CSMD1: variants seen among roughly 807,000 people sequenced by gnomAD.
The protein encoded by CSMD1 is CUB and Sushi multiple domains 1.
A neutral mutation model predicts 417.5 loss-of-function variants in CSMD1; 213 were observed. The ratio of observed to expected loss-of-function variants is 0.51; its 90% CI spans 0.46 to 0.57. CSMD1 has a LOEUF of 0.57. CSMD1 is among the 20% of genes least tolerant of loss of function. The probability of loss-of-function intolerance (pLI) is 0.00; values close to 1 mark genes in which losing one functional copy is unlikely to be tolerated. For synonymous variants in CSMD1, 2,862 were observed against 1,736.8 expected, an observed-to-expected ratio of 1.65 and a Z score of -16.11; for missense variants, 6,923 against 4,529.7, an observed-to-expected ratio of 1.53 and a Z score of -15.17.
chr8:4,002,404 T>C (rs1016810559), intron 4 of CSMD1, among the ~76,000 whole-genome samples: 1 of 152,208 alleles, frequency 6.6e-6, no homozygotes, highest in African/African-American at 2.4e-5. Context: ...GAAGAAGAGC[T>C]ACCTAACTAA....
intron 3 of CSMD1, among the ~76,000 whole-genome samples, chr8:4,345,833 G>T: frequency 6.6e-6 from 1 of 152,142 alleles, no homozygotes; most frequent in East Asian, 1.9e-4. Flanking sequence ...ATCCCGAGCA[G>T]CGACCTACAT....
At chr8:3,012,966 G>T (rs1255819156) in intron 52 of CSMD1, among the ~76,000 whole-genome samples, 1 of 152,134 alleles carries the variant, frequency 6.6e-6, no homozygotes, top group Non-Finnish European at 1.5e-5. Context: ...TCATAAAGGG[G>T]AGTTCCCCTG....
At chr8:3,782,013 G>C (rs951129775) in intron 5 of CSMD1, among the ~76,000 whole-genome samples, 4 of 143,642 alleles carry the variant, frequency 2.8e-5, no homozygotes, top group African/African-American at 9.8e-5. Context: ...GATTTTTTAA[G>C]GGATAATTTA....
At chr8:4,777,924 C>G (rs1342935255) in intron 1 of CSMD1, among the ~76,000 whole-genome samples, 1 of 152,122 alleles carries the variant, frequency 6.6e-6, no homozygotes, top group Non-Finnish European at 1.5e-5. Flanking sequence ...AGGGCTACTC[C>G]CTATAATACG....
chr8:3,607,930 G>A (rs1405335061), intron 8 of CSMD1, among the ~76,000 whole-genome samples: 6 of 152,158 alleles, frequency 3.9e-5, no homozygotes, highest in Admixed American at 3.3e-4. Flanking sequence ...AGCACTTTGG[G>A]AGGCCAAGGC....
At chr8:4,685,770 A>T (rs1806339092) in intron 1 of CSMD1, among the ~76,000 whole-genome samples, 1 of 152,164 alleles carries the variant, frequency 6.6e-6, no homozygotes, top group African/African-American at 2.4e-5. Flanking sequence ...GGTGAGAAAA[A>T]AATATTTATT....
At chr8:3,759,666 A>G (rs907304048) in intron 5 of CSMD1, among the ~76,000 whole-genome samples, 1 of 151,276 alleles carries the variant, frequency 6.6e-6, no homozygotes, top group African/African-American at 2.4e-5. Flanking sequence ...GGCCAAGGTC[A>G]GCGGACCACC....
intron 1 of CSMD1, among the ~76,000 whole-genome samples, chr8:4,873,441 A>C (rs558590999): frequency 2.0e-5 from 3 of 152,244 alleles, no homozygotes; most frequent in Non-Finnish European, 4.4e-5. Context: ...AACTCAGAGA[A>C]TATTCCCTTC....
chr8:4,037,929 G>A (rs569766754), intron 3 of CSMD1, among the ~76,000 whole-genome samples: 1 of 152,068 alleles, frequency 6.6e-6, no homozygotes, highest in African/African-American at 2.4e-5. Flanking sequence ...AGGAAAAAAA[G>A]TTTTTCAAAA....
rs575429912 is a variant in CSMD1 at position 3,723,960 on chromosome 8, G to C, written c.932-15469C>G. On this transcript the variant is annotated intron_variant, in intron 6 of 69. Transcript: ENST00000635120. ...CTTTTAAGAAATAGCCATTTGTTAA[G>C]TTTAATGTTGTGTGAAAGAAAAATG... Among the ~76,000 whole-genome samples the C allele has an allele frequency of 4.4e-5, 5 of 114,012 alleles. 1 individual carries two copies. Among genetic ancestry groups the C allele is most frequent in the South Asian group, 5.1e-4 (2 of 3,884 alleles). 74.8% of individuals were successfully genotyped at this position (114,012 alleles called of 152,430 possible).
chr8:3,360,851 C>T (rs1295968197), intron 20 of CSMD1, among the ~76,000 whole-genome samples: 1 of 144,816 alleles, frequency 6.9e-6, no homozygotes, highest in Non-Finnish European at 1.5e-5. Context: ...AAATCTGATC[C>T]TTCTTTTTTT....
intron 12 of CSMD1, among the ~76,000 whole-genome samples, chr8:3,410,465 G>A (rs1050011092): frequency 1.3e-5 from 2 of 152,126 alleles, no homozygotes; most frequent in Non-Finnish European, 2.9e-5. Context: ...TCTTTCCTGT[G>A]CTGTTCTCAG....
intron 1 of CSMD1, among the ~76,000 whole-genome samples, chr8:4,717,623 T>C (rs1391455276): frequency 6.6e-6 from 1 of 151,656 alleles, no homozygotes; most frequent in Non-Finnish European, 1.5e-5. Flanking sequence ...AGGAACTATA[T>C]ATATTTCTAC....
intron 2 of CSMD1, among the ~76,000 whole-genome samples, chr8:4,471,132 TCAAC>T (rs1800507078): frequency 6.6e-6 from 1 of 152,206 alleles, no homozygotes. Context: ...AAATTATCCT[TCAAC>T]AGAACAGAAC....
rs549674249 is a variant in CSMD1, at chr8:3,268,150, T to C, written c.4153+15994A>G. 5.9e-5 allele frequency among the ~76,000 whole-genome samples: 9 copies of C among 151,690 alleles called. No homozygotes were observed. In the South Asian group the frequency reaches 1.9e-3, roughly 32 times the overall value. Reference sequence around the variant, plus strand: ...GTAGGTGAATGTATGAACTGATATCTGAATGAATGAATGAATGAATGAGTG... The same window carrying C: ...GTAGGTGAATGTATGAACTGATATCCGAATGAATGAATGAATGAATGAGTG... On this transcript the variant is annotated intron_variant, in intron 26 of 69. Coordinates refer to ENST00000635120, the MANE Select transcript of CSMD1 (RefSeq NM_033225.6).
intron 3 of CSMD1, among the ~76,000 whole-genome samples, chr8:4,404,822 T>G (rs1380198824): frequency 6.6e-6 from 1 of 152,152 alleles, no homozygotes; most frequent in Non-Finnish European, 1.5e-5. Flanking sequence ...ACACAGTAAG[T>G]GAGGCAATAA....
intron 7 of CSMD1, among the ~76,000 whole-genome samples, chr8:3,687,662 G>T (rs74478229): frequency 0.032 from 4,849 of 152,270 alleles, 262 homozygotes; most frequent in African/African-American, 0.11. Flanking sequence ...AGTGGCGCAC[G>T]CTAGGACCGA....
intron 11 of CSMD1, among the ~76,000 whole-genome samples, chr8:3,486,957 G>C (rs575984752): frequency 1.3e-5 from 2 of 152,172 alleles, no homozygotes; most frequent in Admixed American, 6.5e-5. Flanking sequence ...GGCAGCCCTA[G>C]CCATCCTGAA....
At chr8:4,795,120 TAAC>T (rs1457188527) in intron 1 of CSMD1, among the ~76,000 whole-genome samples, 1 of 151,702 alleles carries the variant, frequency 6.6e-6, no homozygotes. Context: ...CAGCAAAAAA[TAAC>T]AACAGTAGAC....
Sources: allele counts gnomAD v4.1 joint callset (sites outside exome capture counted in the v4.1 genomes callset), GRCh38; gene constraint gnomAD v4.1.1; transcripts MANE v1.5; gene names NCBI Gene and HGNC (gene_info 2026-07-23, HGNC 2026-07-21).